The following RBKS variants were observed in gnomAD, a reference collection of about 807,000 sequenced individuals.
The protein encoded by RBKS is ribokinase.
In RBKS, 33 loss-of-function variants were observed where a neutral mutation model predicts 33.9. That is an observed-to-expected ratio of 0.97 (90% CI 0.74 to 1.30). The LOEUF is 1.30. RBKS is among the 50% of genes most tolerant of loss of function. The pLI, the probability that RBKS is intolerant of heterozygous loss-of-function variation, is 0.00. For missense variants in RBKS, 361 were observed against 392.6 expected (o/e 0.92, Z 0.68); for synonymous variants, 125 against 143.0 (o/e 0.87, Z 0.90).
intron 5 of RBKS, among the ~76,000 whole-genome samples, chr2:27,834,629 G>A (rs867920090): frequency 1.3e-5 from 2 of 152,160 alleles, no homozygotes; most frequent in East Asian, 3.9e-4. Flanking sequence ...TCATTGTCCA[G>A]TATTCTAACA....
intron 1 of RBKS, among the ~76,000 whole-genome samples, chr2:27,865,484 T>G (rs963617605): frequency 1.3e-5 from 2 of 152,094 alleles, no homozygotes; most frequent in Non-Finnish European, 2.9e-5. Context: ...ACTCATTTCC[T>G]TCTTTTCCTG....
intron 7 of RBKS, among the ~76,000 whole-genome samples, chr2:27,801,966 ATATATATAT>A (rs1558536485): frequency 4.0e-4 from 22 of 54,810 alleles, no homozygotes; most frequent in African/African-American, 1.9e-3. Context: ...AAAAAAAAAT[ATATATATAT>A]ATATATATAT....
At chr2:27,812,028 A>C (rs1202559279) in intron 7 of RBKS, among the ~76,000 whole-genome samples, 1 of 152,210 alleles carries the variant, frequency 6.6e-6, no homozygotes, top group Non-Finnish European at 1.5e-5. Context: ...CCTTTTGAGA[A>C]GTGTTTGTTC....
chr2:27,860,502 A>G (rs1260281455), intron 1 of RBKS, among the ~76,000 whole-genome samples: 1 of 152,186 alleles, frequency 6.6e-6, no homozygotes, highest in Non-Finnish European at 1.5e-5. Context: ...CTATACTTAG[A>G]TCTGGGTTAC....
At chr2:27,839,137 T>C (rs1460726081) in intron 5 of RBKS, among the ~76,000 whole-genome samples, 1 of 152,208 alleles carries the variant, frequency 6.6e-6, no homozygotes, top group Non-Finnish European at 1.5e-5. Flanking sequence ...TTCTGTGACT[T>C]GAGCAGCAAA....
intron 1 of RBKS, among the ~76,000 whole-genome samples, chr2:27,886,490 G>A (rs908680181): frequency 2.0e-5 from 3 of 152,154 alleles, no homozygotes; most frequent in African/African-American, 7.2e-5. Flanking sequence ...AGTTAACAAT[G>A]AATGTACAGA....
Position 27,847,972 on chromosome 2 carries a change from C to A in RBKS, c.286+62G>T. 7.3e-6 allele frequency: 7 copies of A among 953,392 alleles called. No homozygotes were observed. The South Asian group carries it at 1.0e-4, about 14-fold the overall frequency. The allele number at this position is 953,392 out of a possible 1,614,324, so 59.1% of individuals were successfully genotyped here. A position where few individuals can be genotyped will look rare whatever the true frequency, so the allele number is the denominator to read the frequency against. ...TAATCCTCCTCTAGATTCAATTTTT[C>A]TCATAACAAAATCACAGAAAAAAGC... is the stretch of plus-strand genomic sequence containing the variant. On this transcript the variant is annotated intron_variant, in intron 3 of 7. Transcript: ENST00000302188.
At chr2:27,854,858 T>A (rs1663824793) in intron 2 of RBKS, among the ~76,000 whole-genome samples, 5 of 152,032 alleles carry the variant, frequency 3.3e-5, no homozygotes, top group Admixed American at 3.3e-4. Context: ...CATGCATACA[T>A]CTGTGGAACC....
chr2:27,781,434 A>T lies in RBKS; in HGVS notation c.*181T>A. 3.6e-6 allele frequency: 2 copies of T among 558,616 alleles called. No individual in the cohort carries two copies. The highest frequency in any genetic ancestry group is 6.1e-5 in the East Asian group (2 of 32,916). The allele number at this position is 558,616 out of a possible 1,614,324, so 34.6% of individuals were successfully genotyped here. On this transcript the variant is annotated 3_prime_UTR_variant, in exon 8 of 8. Transcript: ENST00000302188. ...TCTTTAATTCTGGTTGTTTTGTGCA[A>T]ATGCATGGAAAGCAAAAGAATCATC...
At chr2:27,842,969 G>T (rs1170220116) in intron 5 of RBKS, 98 bp downstream of exon 5, 10 of 849,046 alleles carry the variant, frequency 1.2e-5, no homozygotes, top group Middle Eastern at 3.3e-4. Flanking sequence ...AATATTTTAC[G>T]ACAGAAAGAG....
chr2:27,824,935 G>A (rs1558542369), intron 7 of RBKS, among the ~76,000 whole-genome samples: 1 of 152,084 alleles, frequency 6.6e-6, no homozygotes, highest in Non-Finnish European at 1.5e-5. Context: ...CCAGAAGTTT[G>A]AGACCATCTT....
chr2:27,867,507 G>A (rs1021977643), intron 1 of RBKS, among the ~76,000 whole-genome samples: 2 of 152,152 alleles, frequency 1.3e-5, no homozygotes, highest in African/African-American at 4.8e-5. Context: ...CAGAAAAATG[G>A]GGACGAAAAG....
At chr2:27,829,786 C>T (rs1176206531) in intron 6 of RBKS, among the ~76,000 whole-genome samples, 1 of 152,132 alleles carries the variant, frequency 6.6e-6, no homozygotes, top group Non-Finnish European at 1.5e-5. Flanking sequence ...CCAGTCCAGT[C>T]ACTAAGTCAG....
chr2:27,810,952 T>A lies in RBKS; in HGVS notation c.795+16615A>T, dbSNP rs1310841217. On this transcript the variant is annotated intron_variant, in intron 7 of 7. Coordinates refer to ENST00000302188, the MANE Select transcript of RBKS (RefSeq NM_022128.3). This position sits in a 1 kb window ranked among gnomAD's most constrained non-coding sequence, Gnocchi z 4.4. ...AATGGCTCCCCATTGCCCTCAGAAG[T>A]GTGAATTCTCAGAAGTGGCAAAGGA... Among the ~76,000 whole-genome samples, 1 of 152,192 alleles carries A rather than the reference T, an allele frequency of 6.6e-6. No individual in the cohort carries two copies. The highest frequency in any genetic ancestry group is 1.5e-5 in the Non-Finnish European group (1 of 68,036).
chr2:27,789,949 GTA>G (rs35109548), intron 7 of RBKS, among the ~76,000 whole-genome samples: 9,770 of 121,358 alleles, frequency 0.081, 422 homozygotes, highest in African/African-American at 0.1. Context: ...ATGTATATGT[GTA>G]TATATATATA....
At chr2:27,851,542 AT>A (rs1451145923) in intron 2 of RBKS, among the ~76,000 whole-genome samples, 1 of 149,264 alleles carries the variant, frequency 6.7e-6, no homozygotes, top group East Asian at 2.0e-4. Context: ...TAAATTTTTT[AT>A]TTTTTTATTT....
At chr2:27,847,520 A>G (rs1663644535) in intron 3 of RBKS, among the ~76,000 whole-genome samples, 1 of 152,224 alleles carries the variant, frequency 6.6e-6, no homozygotes, top group African/African-American at 2.4e-5. Context: ...TTATTTCACC[A>G]AGAACCAAGG....
At chr2:27,815,457 A>G (rs1317290854) in intron 7 of RBKS, among the ~76,000 whole-genome samples, 3 of 151,934 alleles carry the variant, frequency 2.0e-5, no homozygotes, top group African/African-American at 7.3e-5. Flanking sequence ...TCTGCCTCCC[A>G]AAGTGCTGGG....
chr2:27,783,358 G>A (rs751452043), intron 7 of RBKS, among the ~76,000 whole-genome samples: 2 of 152,176 alleles, frequency 1.3e-5, no homozygotes, highest in East Asian at 1.9e-4. Flanking sequence ...AGAATTAGCC[G>A]TTTCTTCATT....
Sources: allele counts gnomAD v4.1 joint callset (sites outside exome capture counted in the v4.1 genomes callset), GRCh38; gene constraint gnomAD v4.1.1; non-coding constraint Gnocchi (gnomAD v3.1); transcripts MANE v1.5; gene names NCBI Gene and HGNC (gene_info 2026-07-23, HGNC 2026-07-21).